PLXNB2: variants seen among roughly 807,000 people sequenced by gnomAD.
PLXNB2 encodes plexin B2.
Under a neutral mutation model 202.6 loss-of-function variants are expected in PLXNB2, and 85 were observed. That is an observed-to-expected ratio of 0.42 (90% CI 0.35 to 0.50). PLXNB2 has a LOEUF of 0.50. PLXNB2 is among the 20% of genes least tolerant of loss of function. PLXNB2 has a pLI of 0.02. For missense variants in PLXNB2, 2,063 were observed against 2,586.2 expected (o/e 0.80, Z 4.39); for synonymous variants, 1,239 against 1,137.6 (o/e 1.09, Z -1.79).
At position 50,288,048 on chromosome 22, in the gene PLXNB2, G is replaced by A. The variant is rs184734526; in HGVS notation, c.1381-11C>T. On this transcript the variant is annotated splice_polypyrimidine_tract_variant and intron_variant, in intron 5 of 36. Coordinates refer to ENST00000359337, the MANE Select transcript of PLXNB2 (RefSeq NM_012401.4). The surrounding 1 kb of genome is among the most constrained non-coding windows in gnomAD (Gnocchi z 5.0). ...CGGCAGCCGGAACACCTAGGGCAGC[G>A]GGGCCGTGAGTGGGACCACAGCAGA... The A allele has an allele frequency of 2.3e-4, 353 of 1,548,512 alleles. 1 individual carries two copies. Among genetic ancestry groups the A allele is most frequent in the South Asian group, 1.2e-3 (97 of 84,124 alleles).
Position 50,288,632 on chromosome 22 carries a change from G to C in PLXNB2, c.1380+111C>G, listed in dbSNP as rs2066641574. The stretch of plus-strand genomic sequence containing the variant: ...CATCCAGACCAAGGAGAAGGGCCCA[G>C]CTCTGCAGCACCCCATCCTCCTCTG... On this transcript the variant is annotated intron_variant, in intron 5 of 36. Transcript: ENST00000359337. The surrounding 1 kb of genome is among the most constrained non-coding windows in gnomAD (Gnocchi z 5.0). The C allele has an allele frequency of 6.9e-7, 1 of 1,455,432 alleles. No individual in the cohort carries two copies. Among genetic ancestry groups the C allele is most frequent in the Non-Finnish European group, 9.2e-7 (1 of 1,081,716 alleles). 90.2% of individuals were successfully genotyped at this position (1,455,432 alleles called of 1,614,324 possible). A position where few individuals can be genotyped will look rare whatever the true frequency, so the allele number is the denominator to read the frequency against.
rs1232801558 is a variant in PLXNB2 at position 50,290,485 on chromosome 22, G to A, written c.100C>T (p.Leu34=). Residue 34 remains leucine (L), a synonymous_variant, in exon 3 of 37, where the codon CTG becomes TTG. Transcript: ENST00000359337. ...KLDFFRSEKE[L]NHLAVDEASG... Reference sequence around the variant, plus strand: ...GCCTCATCCACAGCCAGGTGGTTCAGCTCTTTCTCGCTGCGGAAGAAGTCC... The same window carrying A: ...GCCTCATCCACAGCCAGGTGGTTCAACTCTTTCTCGCTGCGGAAGAAGTCC... 2 of 1,612,732 alleles carry A rather than the reference G, an allele frequency of 1.2e-6. No homozygotes were observed. Among genetic ancestry groups the A allele is most frequent in the Non-Finnish European group, 1.7e-6 (2 of 1,179,998 alleles).
In PLXNB2 at chr22:50,281,447, C is replaced by T. The variant is rs765673534; in HGVS notation, c.3575G>A (p.Arg1192Gln). The T allele has an allele frequency of 5.0e-6, 8 of 1,612,446 alleles. No individual in the cohort carries two copies. Among genetic ancestry groups the T allele is most frequent in the Admixed American group, 1.7e-5 (1 of 59,980 alleles). ...GAGGCTGAGCGGCACGTCGCTCACC[C>T]GTGTGTCGTACTCCACGCGGCCCAG... ...WVLGRVEYDT[R>Q]VSDVPLSLIL... The change falls in exon 22 of 37, where the codon CGG becomes CAG. Residue 1192 changes from arginine (R) to glutamine (Q), a missense_variant. This residue lies in a region of PLXNB2 where 760 missense variants were observed against 1,109.4 expected (regional missense o/e 0.69). Coordinates refer to ENST00000359337, the MANE Select transcript of PLXNB2 (RefSeq NM_012401.4).
rs757503917 is a variant in PLXNB2 at position 50,289,715 on chromosome 22, G to A, written c.870C>T (p.Gly290=). 2 of 1,611,568 alleles carry A rather than the reference G, an allele frequency of 1.2e-6. No individual in the cohort carries two copies. The highest frequency in any genetic ancestry group is 1.1e-5 in the South Asian group (1 of 91,074). The change falls in exon 3 of 37, where the codon GGC becomes GGT. Residue 290 remains glycine, a synonymous_variant. Coordinates refer to ENST00000359337, the MANE Select transcript of PLXNB2 (RefSeq NM_012401.4). This position sits in a 1 kb window ranked among gnomAD's most constrained non-coding sequence, Gnocchi z 8.0. ...LAASVAAPGS[G]RVLYAVFSRD... ...TGCTGAAGACAGCATATAGCACCCT[G>A]CCAGAGCCAGGCGCAGCCACGGAGG...
intron 2 of PLXNB2, among the ~76,000 whole-genome samples, chr22:50,293,891 G>A (rs958228089): frequency 1.3e-5 from 2 of 152,216 alleles, no homozygotes; most frequent in Non-Finnish European, 2.9e-5. Flanking sequence ...AAACACCACC[G>A]TGTGCCACCA....
At chr22:50,282,411 GC>G in intron 18 of PLXNB2, 98 bp from the exon 19 acceptor site, 3 of 1,308,538 alleles carry the variant, frequency 2.3e-6, no homozygotes, top group Non-Finnish European at 3.1e-6. Flanking sequence ...ACCACACGGG[GC>G]TTCCAGGTGC....
At chr22:50,302,985 C>T (rs1299510872) in intron 1 of PLXNB2, among the ~76,000 whole-genome samples, 1 of 152,154 alleles carries the variant, frequency 6.6e-6, no homozygotes, top group Non-Finnish European at 1.5e-5. Context: ...CCTCAAACCC[C>T]ACTCTCCATG....
intron 1 of PLXNB2, chr22:50,301,468 C>G (rs1311955428): frequency 1.1e-6 from 1 of 873,220 alleles, no homozygotes; most frequent in East Asian, 1.2e-4. Context: ...GACATGCGGT[C>G]AGACAGCAGG....
chr22:50,288,051 G>A lies in PLXNB2; in HGVS notation c.1381-14C>T, dbSNP rs376473005. 2 of 1,545,498 alleles carry A rather than the reference G, an allele frequency of 1.3e-6. No homozygotes were observed. Among genetic ancestry groups the A allele is most frequent in the Non-Finnish European group, 8.7e-7 (1 of 1,142,998 alleles). Reference sequence around the variant, plus strand: ...CAGCCGGAACACCTAGGGCAGCGGGGCCGTGAGTGGGACCACAGCAGAGGC... The same window carrying A: ...CAGCCGGAACACCTAGGGCAGCGGGACCGTGAGTGGGACCACAGCAGAGGC... On this transcript the variant is annotated splice_polypyrimidine_tract_variant and intron_variant, in intron 5 of 36. Transcript: ENST00000359337. The surrounding 1 kb of genome is among the most constrained non-coding windows in gnomAD (Gnocchi z 5.0).
chr22:50,278,724 C>A, intron 28 of PLXNB2, 28 bp from the exon 29 acceptor site: 6 of 1,594,850 alleles, frequency 3.8e-6, no homozygotes, highest in Non-Finnish European at 4.3e-6. Flanking sequence ...CCAGCTTGGG[C>A]CCCAGCCACC....
At chr22:50,287,556 C>A in intron 7 of PLXNB2, 111 bp downstream of exon 7, 1 of 1,131,118 alleles carries the variant, frequency 8.8e-7, no homozygotes, top group Non-Finnish European at 1.2e-6. Flanking sequence ...AGAGCCCAGG[C>A]GGGGGAGATG....
chr22:50,280,361 C>T, intron 25 of PLXNB2, 128 bp downstream of exon 25: 4 of 865,096 alleles, frequency 4.6e-6, no homozygotes, highest in Middle Eastern at 3.6e-4. Flanking sequence ...CCGCCCCCCA[C>T]CACCAGCGCT....
chr22:50,276,801 G>T, intron 34 of PLXNB2, 41 bp downstream of exon 34: 1 of 1,596,564 alleles, frequency 6.3e-7, no homozygotes, highest in Non-Finnish European at 8.6e-7. Context: ...GGGGGTCGAG[G>T]GTGGGCATGG....
chr22:50,282,408 G>C (rs570739344), intron 18 of PLXNB2, 95 bp from the exon 19 acceptor site: 1 of 1,267,268 alleles, frequency 7.9e-7, no homozygotes, highest in South Asian at 1.5e-5. Flanking sequence ...CTGACCACAC[G>C]GGGCTTCCAG....
intron 1 of PLXNB2, chr22:50,300,164 C>T (rs1176121807): frequency 3.0e-6 from 2 of 673,446 alleles, no homozygotes; most frequent in Admixed American, 1.3e-4. Flanking sequence ...ACAAACCTCA[C>T]CAGGCCGGGG....
chr22:50,304,268 G>C (rs961263705), intron 1 of PLXNB2, among the ~76,000 whole-genome samples: 4 of 152,216 alleles, frequency 2.6e-5, no homozygotes, highest in African/African-American at 9.6e-5. Flanking sequence ...CCTGGGGCCA[G>C]TCACTGTCAC....
Position 50,279,702 on chromosome 22 carries a change from C to T in PLXNB2, c.4317G>A (p.Ala1439=), listed in dbSNP as rs762214564. The T allele has an allele frequency of 5.9e-5, 95 of 1,613,786 alleles. No individual in the cohort carries two copies. The highest frequency in any genetic ancestry group is 7.1e-5 in the Non-Finnish European group (84 of 1,179,908). ...GAGTGTACTTGGCCTTCTTCTGTAC[C>T]GCATCCACCGGGCCCTTTTCCACCT... ...KHQVEKGPVD[A]VQKKAKYTLN... Residue 1439 remains alanine, a synonymous_variant, in exon 27 of 37, where the codon GCG becomes GCA. Coordinates refer to ENST00000359337, the MANE Select transcript of PLXNB2 (RefSeq NM_012401.4).
In PLXNB2 at chr22:50,287,087, C is replaced by T. The variant is rs56942534; in HGVS notation, c.1762+24G>A. On this transcript the variant is annotated intron_variant, in intron 8 of 36. Transcript: ENST00000359337. ...CCCCGTGCGACCGAGAAGGGCCACC[C>T]GGGGGCTCGGGAAGGGGCCTCACCC... 3.4e-3 allele frequency: 4,962 copies of T among 1,480,924 alleles called. 298 individuals are homozygous for T. The East Asian group carries it at 0.1, about 31-fold the overall frequency. 91.7% of individuals were successfully genotyped at this position (1,480,924 alleles called of 1,614,324 possible).
At chr22:50,276,430 T>TGTG (rs1555917018) in intron 35 of PLXNB2, among the ~76,000 whole-genome samples, 199 bp downstream of exon 35, 6 of 3,498 alleles carry the variant, frequency 1.7e-3, no homozygotes, top group East Asian at 9.3e-3. Context: ...GGGCAGGGCC[T>TGTG]GGCTCCAAGC....
Sources: allele counts gnomAD v4.1 joint callset (sites outside exome capture counted in the v4.1 genomes callset), GRCh38; gene constraint gnomAD v4.1.1; regional missense constraint gnomAD v4.1.1; non-coding constraint Gnocchi (gnomAD v3.1); transcripts MANE v1.5; gene names NCBI Gene and HGNC (gene_info 2026-07-23, HGNC 2026-07-21).